Variants in CEP63 observed in about 807,000 individuals in gnomAD.
The protein encoded by CEP63 is centrosomal protein 63.
Under a neutral mutation model 89.1 loss-of-function variants are expected in CEP63, and 84 were observed. That is an observed-to-expected ratio of 0.94 (90% CI 0.79 to 1.13). The LOEUF (loss-of-function observed/expected upper bound fraction) is 1.13, where lower values mean the gene tolerates loss of function less well. Among genes scored for constraint, CEP63 ranks in the 50% most tolerant of loss-of-function variants. CEP63 has a pLI of 0.00. For synonymous variants in CEP63, 267 were observed against 272.5 expected (o/e 0.98, Z 0.20); for missense variants, 838 against 813.3 (o/e 1.03, Z -0.37).
chr3:134,726,092 C>T, the CEP63 span, among the ~76,000 whole-genome samples: 1 of 152,258 alleles, frequency 6.6e-6, no homozygotes, highest in Admixed American at 6.5e-5. Context: ...TAGCCTTTTT[C>T]CTCTTCCTAA....
the CEP63 span, chr3:134,619,066 A>C: frequency 7.8e-6 from 9 of 1,159,324 alleles, no homozygotes; most frequent in African/African-American, 1.5e-5. Flanking sequence ...CAGGCCTGGC[A>C]TGTGGGCAAA....
chr3:134,651,808 C>A, the CEP63 span, among the ~76,000 whole-genome samples: 1 of 152,176 alleles, frequency 6.6e-6, no homozygotes, highest in Non-Finnish European at 1.5e-5. Flanking sequence ...GAGAAGCCTT[C>A]TATTTTTAGC....
the CEP63 span, among the ~76,000 whole-genome samples, chr3:134,624,180 C>T: frequency 3.9e-5 from 6 of 152,184 alleles, no homozygotes; most frequent in African/African-American, 1.2e-4. Flanking sequence ...CTCTCCCCCA[C>T]CTCCCACCCA....
At chr3:134,629,067 G>T in the CEP63 span, among the ~76,000 whole-genome samples, 1 of 152,182 alleles carries the variant, frequency 6.6e-6, no homozygotes, top group African/African-American at 2.4e-5. Flanking sequence ...GAAGGGAGTT[G>T]GGGAGACATC....
chr3:134,705,752 C>T, the CEP63 span, among the ~76,000 whole-genome samples: 1 of 152,170 alleles, frequency 6.6e-6, no homozygotes. Context: ...GGGGAGCTCA[C>T]ACTTACCACA....
downstream of CEP63, among the ~76,000 whole-genome samples, chr3:134,579,494 T>A (rs1464050672): frequency 1.3e-5 from 2 of 152,250 alleles, no homozygotes; most frequent in Non-Finnish European, 2.9e-5. Context: ...GGGTGTGTAC[T>A]GATAACGCAT....
the CEP63 span, among the ~76,000 whole-genome samples, chr3:134,645,692 G>GAGCCTCTGTCC: frequency 6.6e-6 from 1 of 152,190 alleles, no homozygotes; most frequent in African/African-American, 2.4e-5. Flanking sequence ...GGCCTCTGTG[G>GAGCCTCTGTCC]AGCCTCTGTC....
At chr3:134,608,541 C>A in the CEP63 span, 1 of 1,602,912 alleles carries the variant, frequency 6.2e-7, no homozygotes, top group Non-Finnish European at 8.5e-7. Context: ...ACAAGCCATG[C>A]GTCTGGAAGG....
the CEP63 span, among the ~76,000 whole-genome samples, chr3:134,693,002 A>C: frequency 2.3e-4 from 35 of 152,296 alleles, no homozygotes; most frequent in African/African-American, 8.2e-4. Context: ...GAGCTGTTAT[A>C]CAGGTGCCTG....
chr3:134,612,231 G>A, the CEP63 span, among the ~76,000 whole-genome samples: 1 of 152,192 alleles, frequency 6.6e-6, no homozygotes, highest in African/African-American at 2.4e-5. Flanking sequence ...TGGCTCTGTG[G>A]GATGGCTTCT....
chr3:134,541,174 T>C (rs1292592705), intron 6 of CEP63, among the ~76,000 whole-genome samples: 1 of 152,202 alleles, frequency 6.6e-6, no homozygotes, highest in African/African-American at 2.4e-5. Flanking sequence ...TGCGTATGTG[T>C]ACTCAATTTA....
the CEP63 span, among the ~76,000 whole-genome samples, chr3:134,781,155 C>T: frequency 6.6e-6 from 1 of 152,136 alleles, no homozygotes; most frequent in Admixed American, 6.5e-5. Context: ...TAAGGCAAAG[C>T]CTTCCATTCT....
chr3:134,521,025 A>G (rs1232050859), intron 3 of CEP63, among the ~76,000 whole-genome samples: 2 of 152,196 alleles, frequency 1.3e-5, no homozygotes, highest in Non-Finnish European at 2.9e-5. Flanking sequence ...AAAATAATGA[A>G]CATTTCATAT....
chr3:134,761,070 T>C, the CEP63 span, among the ~76,000 whole-genome samples: 1 of 152,042 alleles, frequency 6.6e-6, no homozygotes, highest in Admixed American at 6.6e-5. Context: ...AGATGATATA[T>C]TCTAGGACAA....
the CEP63 span, among the ~76,000 whole-genome samples, chr3:134,754,142 C>T: frequency 6.6e-6 from 1 of 152,202 alleles, no homozygotes; most frequent in Non-Finnish European, 1.5e-5. Flanking sequence ...GAGCACATTC[C>T]CTCCTGCCTT....
chr3:134,610,404 C>T, the CEP63 span: 1 of 1,598,612 alleles, frequency 6.3e-7, no homozygotes, highest in Non-Finnish European at 8.5e-7. Context: ...GACAGGGGGT[C>T]TGAGAGGGGG....
Position 134,585,491 on chromosome 3 carries a change from T to C in CEP63, c.1207-1967T>C, listed in dbSNP as rs555796699. 4.4e-4 allele frequency among the ~76,000 whole-genome samples: 67 copies of C among 151,982 alleles called. 1 individual carries two copies. The highest frequency in any genetic ancestry group is 8.1e-4 in the Non-Finnish European group (55 of 67,822). Reference sequence around the variant, plus strand: ...AAGTTGTTCAGTTTCCATGTAGTTGTTTCCATGTAGTTGAGTGAGTTCCTT... The same window carrying C: ...AAGTTGTTCAGTTTCCATGTAGTTGCTTCCATGTAGTTGAGTGAGTTCCTT... On this transcript the variant is annotated intron_variant, in intron 10 of 10. Coordinates refer to the CEP63 transcript ENST00000683931.
At chr3:134,517,841 G>A (rs1376704309) in intron 3 of CEP63, among the ~76,000 whole-genome samples, 1 of 152,126 alleles carries the variant, frequency 6.6e-6, no homozygotes, top group Non-Finnish European at 1.5e-5. Flanking sequence ...GCATATATTA[G>A]AAAAGAGGAA....
chr3:134,608,347 T>A, the CEP63 span: 1 of 1,311,410 alleles, frequency 7.6e-7, no homozygotes, highest in Non-Finnish European at 9.9e-7. Context: ...CCAGGCTGTG[T>A]GTTCAGCCTT....
Sources: allele counts gnomAD v4.1 joint callset (sites outside exome capture counted in the v4.1 genomes callset), GRCh38; gene constraint gnomAD v4.1.1; transcripts MANE v1.5; gene names NCBI Gene and HGNC (gene_info 2026-07-23, HGNC 2026-07-21).